LAMA3: variants seen among roughly 807,000 people sequenced by gnomAD.
LAMA3 encodes laminin subunit alpha 3, also known as laminin subunit alpha-3.
In LAMA3, 281 loss-of-function variants were observed where a neutral mutation model predicts 402.0. The ratio of observed to expected loss-of-function variants is 0.70; its 90% confidence interval spans 0.63 to 0.77. LAMA3 has a LOEUF of 0.77. Ranked by LOEUF, LAMA3 falls within the 30% of genes least tolerant of loss-of-function variation. The pLI is 0.00. For missense variants in LAMA3, 3,840 were observed against 4,215.5 expected, an observed-to-expected ratio of 0.91 and a Z score of 2.47; for synonymous variants, 1,431 against 1,558.4, an observed-to-expected ratio of 0.92 and a Z score of 1.93.
At chr18:23,804,959 G>A (rs1237692613) in intron 12 of LAMA3, among the ~76,000 whole-genome samples, 2 of 152,166 alleles carry the variant, frequency 1.3e-5, no homozygotes, top group East Asian at 3.8e-4. Flanking sequence ...CATGCTTCCT[G>A]TACAGCTTGC....
intron 11 of LAMA3, 65 bp downstream of exon 11, chr18:23,777,684 C>CCA: frequency 1.7e-6 from 2 of 1,190,880 alleles, no homozygotes; most frequent in South Asian, 2.4e-5. Context: ...TTTCCTACTT[C>CCA]CTGTGTGCAC....
chr18:23,924,613 C>T (rs557872916), intron 62 of LAMA3, among the ~76,000 whole-genome samples: 8 of 144,168 alleles, frequency 5.5e-5, no homozygotes, highest in South Asian at 4.4e-4. Flanking sequence ...GGCATAATCT[C>T]GGCTTACTGC....
chr18:23,946,193 T>A lies in LAMA3; in HGVS notation c.9260T>A (p.Leu3087Gln). 6.2e-7 allele frequency: 1 copy of A among 1,614,122 alleles called. No homozygotes were observed. Among genetic ancestry groups the A allele is most frequent in the Non-Finnish European group, 8.5e-7 (1 of 1,179,982 alleles). Reference sequence around the variant, plus strand: ...AAGGGGCGCTTGGTTGTGGATGGACTGAGGGCCCGGGAGGGAAGTTTGCCT... The same window carrying A: ...AAGGGGCGCTTGGTTGTGGATGGACAGAGGGCCCGGGAGGGAAGTTTGCCT... ...GEKGRLVVDG[L>Q]RAREGSLPGN... The change falls in exon 70 of 75, where the codon CTG (leucine) becomes CAG (glutamine). Residue 3087 changes from leucine to glutamine, a missense_variant. Transcript: ENST00000313654.
chr18:23,953,728 A>C (rs1344657059), intron 74 of LAMA3, among the ~76,000 whole-genome samples: 2 of 152,320 alleles, frequency 1.3e-5, no homozygotes, highest in South Asian at 2.1e-4. Context: ...AAGGGTCTGA[A>C]AAACTGGTCT....
At chr18:23,895,631 A>G (rs1187233603) in intron 44 of LAMA3, among the ~76,000 whole-genome samples, 2 of 152,236 alleles carry the variant, frequency 1.3e-5, no homozygotes, top group Admixed American at 1.3e-4. Flanking sequence ...TACATCTGCA[A>G]AGTCTATAAA....
At chr18:23,725,299 C>T (rs888048645) in intron 2 of LAMA3, among the ~76,000 whole-genome samples, 4 of 152,076 alleles carry the variant, frequency 2.6e-5, no homozygotes, top group African/African-American at 4.8e-5. Context: ...TTAGTAGAGA[C>T]GGGGTTCCAC....
At chr18:23,822,435 CT>C in intron 20 of LAMA3, 60 bp downstream of exon 20, 10 of 1,550,788 alleles carry the variant, frequency 6.4e-6, no homozygotes, top group Non-Finnish European at 8.9e-6. Context: ...TAGTGAAACA[CT>C]TTCTCTGATT....
chr18:23,802,491 G>A (rs2062883212), intron 12 of LAMA3, among the ~76,000 whole-genome samples: 2 of 152,140 alleles, frequency 1.3e-5, no homozygotes, highest in Admixed American at 1.3e-4. Flanking sequence ...CTGTATTCTA[G>A]ACATATTCTT....
At chr18:23,895,958 C>A (rs2080861364) in intron 44 of LAMA3, among the ~76,000 whole-genome samples, 1 of 152,120 alleles carries the variant, frequency 6.6e-6, no homozygotes, top group African/African-American at 2.4e-5. Context: ...TCCCACACAC[C>A]TTGCAATGTT....
intron 11 of LAMA3, among the ~76,000 whole-genome samples, chr18:23,783,362 G>T (rs57976821): frequency 1.3e-5 from 2 of 152,034 alleles, no homozygotes; most frequent in Admixed American, 6.6e-5. Context: ...GGAGGAAAGT[G>T]GGGGGGCCAT....
At chr18:23,944,384 T>G (rs1203043474) in intron 69 of LAMA3, among the ~76,000 whole-genome samples, 1 of 152,226 alleles carries the variant, frequency 6.6e-6, no homozygotes, top group African/African-American at 2.4e-5. Context: ...AAATACCATT[T>G]AAGGCAATAA....
chr18:23,720,972 C>CA (rs893893618), intron 2 of LAMA3, among the ~76,000 whole-genome samples: 1 of 151,830 alleles, frequency 6.6e-6, no homozygotes, highest in Non-Finnish European at 1.5e-5. Flanking sequence ...GCCTGGGCAA[C>CA]ACTGTGAAAG....
intron 41 of LAMA3, among the ~76,000 whole-genome samples, chr18:23,886,645 A>G (rs1231538862): frequency 6.6e-6 from 1 of 152,132 alleles, no homozygotes; most frequent in African/African-American, 2.4e-5. Flanking sequence ...AGCCAATTTG[A>G]TAGAGAAAAA....
intron 1 of LAMA3, among the ~76,000 whole-genome samples, chr18:23,704,853 C>T (rs1028827793): frequency 3.2e-4 from 21 of 64,842 alleles, no homozygotes; most frequent in African/African-American, 7.9e-4. Flanking sequence ...ATTCTAAAGG[C>T]TTTTTAGTTA....
chr18:23,740,556 C>T (rs557862866), intron 2 of LAMA3, among the ~76,000 whole-genome samples: 1 of 152,168 alleles, frequency 6.6e-6, no homozygotes, highest in Non-Finnish European at 1.5e-5. Flanking sequence ...ACTCTCTCTT[C>T]TCCTTTCCAG....
intron 2 of LAMA3, among the ~76,000 whole-genome samples, chr18:23,737,997 C>T (rs953519053): frequency 6.6e-5 from 10 of 152,240 alleles, no homozygotes; most frequent in Admixed American, 1.3e-4. Context: ...GTGGAAGTGC[C>T]GTGCCTCCAG....
At chr18:23,871,389 G>A in intron 37 of LAMA3, 42 bp from the exon 38 acceptor site, 1 of 1,563,718 alleles carries the variant, frequency 6.4e-7, no homozygotes, top group Non-Finnish European at 8.8e-7. Flanking sequence ...CTGGAAGTGA[G>A]CCTGCCTAAG....
Position 23,822,242 on chromosome 18 carries a change from T to C in LAMA3, c.2305-10T>C, listed in dbSNP as rs756051330. 1.2e-6 allele frequency: 2 copies of C among 1,613,922 alleles called. No individual in the cohort carries two copies. The highest frequency in any genetic ancestry group is 1.7e-6 in the Non-Finnish European group (2 of 1,179,834). On this transcript the variant is annotated splice_polypyrimidine_tract_variant and intron_variant, in intron 19 of 74. Transcript: ENST00000313654. ...TTTTCTATGCTTTATGGCGTTTCGG[T>C]ATTTTTCAGAATGATGTAAGAATAA...
intron 41 of LAMA3, among the ~76,000 whole-genome samples, chr18:23,889,717 GAAGGAAGAAAGGAAGGA>G (rs2080585649): frequency 2.3e-5 from 3 of 128,896 alleles, no homozygotes; most frequent in South Asian, 5.1e-4. Flanking sequence ...AGGGAGGAAG[GAAGGAAGAAAGGAAGGA>G]AAGGAAGGAA....
Sources: gnomAD v4.1 joint callset for allele counts (sites outside exome capture counted in the v4.1 genomes callset) on GRCh38, gnomAD v4.1.1 for gene constraint, MANE v1.5 for transcripts, NCBI Gene and HGNC (gene_info 2026-07-23, HGNC 2026-07-21) for gene names.